The following SLC24A2 variants were observed in gnomAD, a reference collection of about 807,000 sequenced individuals.
SLC24A2 encodes sodium/potassium/calcium exchanger 2.
In SLC24A2, 36 loss-of-function variants were observed where a neutral mutation model predicts 62.0. The ratio of observed to expected loss-of-function variants is 0.58; its 90% CI spans 0.44 to 0.77. SLC24A2 has a LOEUF of 0.77. SLC24A2 is among the 30% of genes least tolerant of loss of function. SLC24A2 has a pLI of 0.00. For missense variants in SLC24A2, 846 were observed against 817.9 expected (o/e 1.03, Z -0.42); for synonymous variants, 358 against 294.0 (o/e 1.22, Z -2.23).
the SLC24A2 span, among the ~76,000 whole-genome samples, chr9:20,231,299 C>T: frequency 6.6e-6 from 1 of 152,162 alleles, no homozygotes; most frequent in Non-Finnish European, 1.5e-5. Flanking sequence ...ATGGGGATGG[C>T]ACTGAATCTA....
At chr9:19,611,512 T>C (rs1186738290) in intron 4 of SLC24A2, among the ~76,000 whole-genome samples, 1 of 151,176 alleles carries the variant, frequency 6.6e-6, no homozygotes, top group African/African-American at 2.4e-5. Flanking sequence ...GAGTGGGAAG[T>C]TGCAGGGGTT....
chr9:19,801,112 C>T, the SLC24A2 span, among the ~76,000 whole-genome samples: 2 of 152,206 alleles, frequency 1.3e-5, no homozygotes, highest in African/African-American at 4.8e-5. Context: ...TGGGCCACTT[C>T]CAAGATGGTG....
intron 2 of SLC24A2, among the ~76,000 whole-genome samples, chr9:19,667,413 T>A (rs1401195614): frequency 6.6e-6 from 1 of 152,196 alleles, no homozygotes; most frequent in African/African-American, 2.4e-5. Context: ...AACACTTTCA[T>A]TCTTATTGCC....
chr9:19,575,038 C>A (rs1452716134), intron 6 of SLC24A2, among the ~76,000 whole-genome samples: 1 of 151,960 alleles, frequency 6.6e-6, no homozygotes, highest in Non-Finnish European at 1.5e-5. Flanking sequence ...TTGAGAGTTA[C>A]ATAAAAATTG....
At chr9:19,577,256 T>C (rs751559928) in intron 5 of SLC24A2, among the ~76,000 whole-genome samples, 1 of 152,046 alleles carries the variant, frequency 6.6e-6, no homozygotes, top group Non-Finnish European at 1.5e-5. Flanking sequence ...CTCACAAAAT[T>C]AACAAAAGCA....
intron 4 of SLC24A2, 50 bp downstream of exon 4, chr9:19,619,533 TG>T (rs1357057690): frequency 7.3e-7 from 1 of 1,367,426 alleles, no homozygotes; most frequent in East Asian, 2.3e-5. Flanking sequence ...AGAAGCCTTT[TG>T]GCATCCTTTT....
chr9:20,150,694 T>C, the SLC24A2 span, among the ~76,000 whole-genome samples: 41 of 149,672 alleles, frequency 2.7e-4, no homozygotes, highest in South Asian at 1.0e-3. Flanking sequence ...CTGGAAATAA[T>C]TGTATTCAGC....
chr9:20,307,482 C>G, the SLC24A2 span, among the ~76,000 whole-genome samples: 10 of 152,342 alleles, frequency 6.6e-5, no homozygotes, highest in East Asian at 1.7e-3. Flanking sequence ...CAACAACCCT[C>G]TAATATAACC....
the SLC24A2 span, among the ~76,000 whole-genome samples, chr9:20,200,389 T>C: frequency 6.6e-6 from 1 of 152,202 alleles, no homozygotes; most frequent in Non-Finnish European, 1.5e-5. Context: ...ACCATTCCTA[T>C]ACTGATGGCC....
chr9:20,273,479 G>C, the SLC24A2 span, among the ~76,000 whole-genome samples: 12 of 152,138 alleles, frequency 7.9e-5, no homozygotes, highest in African/African-American at 2.9e-4. Flanking sequence ...TGTGGGAGAT[G>C]ATTGAATCAT....
At chr9:20,124,100 A>C in the SLC24A2 span, among the ~76,000 whole-genome samples, 1 of 152,166 alleles carries the variant, frequency 6.6e-6, no homozygotes, top group South Asian at 2.1e-4. Context: ...TTCATCCTTG[A>C]TACAATGGTG....
chr9:19,897,924 C>G, the SLC24A2 span, among the ~76,000 whole-genome samples: 1 of 152,186 alleles, frequency 6.6e-6, no homozygotes, highest in Non-Finnish European at 1.5e-5. Flanking sequence ...GCGTGTTATT[C>G]CCCATCCCAC....
the SLC24A2 span, among the ~76,000 whole-genome samples, chr9:20,213,092 G>C: frequency 1.3e-5 from 2 of 151,616 alleles, no homozygotes; most frequent in African/African-American, 4.9e-5. Flanking sequence ...ATATGTAGGT[G>C]ATGGGTTGAT....
chr9:20,131,112 G>A, the SLC24A2 span, among the ~76,000 whole-genome samples: 32 of 151,204 alleles, frequency 2.1e-4, no homozygotes, highest in African/African-American at 7.1e-4. Flanking sequence ...TATAAAAGGG[G>A]GTCCAGCAGT....
chr9:19,987,857 C>T, the SLC24A2 span, among the ~76,000 whole-genome samples: 1 of 152,184 alleles, frequency 6.6e-6, no homozygotes, highest in Non-Finnish European at 1.5e-5. Flanking sequence ...ATTTCCTTCG[C>T]TGTAGGAGCA....
At chr9:19,849,730 T>G in the SLC24A2 span, among the ~76,000 whole-genome samples, 1 of 152,190 alleles carries the variant, frequency 6.6e-6, no homozygotes, top group Admixed American at 6.5e-5. Flanking sequence ...AACGTCTCTG[T>G]CCTTCTAAGT....
At chr9:19,564,169 T>A (rs1835553306) in intron 7 of SLC24A2, among the ~76,000 whole-genome samples, 1 of 152,078 alleles carries the variant, frequency 6.6e-6, no homozygotes, top group African/African-American at 2.4e-5. Flanking sequence ...TGACATGTTT[T>A]TTAAAATCAA....
the SLC24A2 span, among the ~76,000 whole-genome samples, chr9:19,815,373 A>G: frequency 9.2e-5 from 14 of 152,164 alleles, no homozygotes; most frequent in Non-Finnish European, 1.8e-4. Context: ...TACTAATGAA[A>G]TAATAACTGG....
At chr9:20,061,330 G>A in the SLC24A2 span, among the ~76,000 whole-genome samples, 1 of 151,860 alleles carries the variant, frequency 6.6e-6, no homozygotes, top group Non-Finnish European at 1.5e-5. Flanking sequence ...TGTTGCCCAG[G>A]CTGGAAGGCA....
Sources: allele counts gnomAD v4.1 joint callset (sites outside exome capture counted in the v4.1 genomes callset), GRCh38; gene constraint gnomAD v4.1.1; transcripts MANE v1.5; gene names NCBI Gene and HGNC (gene_info 2026-07-23, HGNC 2026-07-21).